The following KCNIP3 variants were observed in gnomAD, a reference collection of about 807,000 sequenced individuals.
KCNIP3 encodes the protein calsenilin.
KCNIP3 carries 28 observed loss-of-function variants against 35.0 expected under a neutral mutation model. That is an observed-to-expected ratio of 0.80 (90% CI 0.59 to 1.10). The LOEUF is 1.10. Among genes scored for constraint, KCNIP3 ranks in the 50% least tolerant of loss-of-function variants. KCNIP3 has a pLI of 0.00. For synonymous variants in KCNIP3, 134 were observed against 133.8 expected (o/e 1.00, Z -0.01); for missense variants, 295 against 338.4 (o/e 0.87, Z 1.01).
chr2:95,362,290 G>C (rs1679817387), intron 2 of KCNIP3, among the ~76,000 whole-genome samples: 1 of 152,082 alleles, frequency 6.6e-6, no homozygotes, highest in African/African-American at 2.4e-5. Context: ...ATTTTTAGTA[G>C]AGACAGGGTT....
chr2:95,363,950 A>G (rs1679859374), intron 2 of KCNIP3, among the ~76,000 whole-genome samples: 1 of 152,014 alleles, frequency 6.6e-6, no homozygotes, highest in Admixed American at 6.6e-5. Flanking sequence ...CCCTCTGGGG[A>G]CCCTATCATC....
intron 2 of KCNIP3, among the ~76,000 whole-genome samples, chr2:95,329,642 T>A (rs969691782): frequency 7.3e-4 from 111 of 152,216 alleles, no homozygotes; most frequent in Non-Finnish European, 3.8e-4. Flanking sequence ...CTGCCGGGAG[T>A]GGGGGGACCC....
chr2:95,348,454 G>T (rs2104268984), intron 2 of KCNIP3, among the ~76,000 whole-genome samples: 1 of 152,314 alleles, frequency 6.6e-6, no homozygotes, highest in South Asian at 2.1e-4. Flanking sequence ...AGCCTGGGGT[G>T]GGCGTGGGGG....
In KCNIP3 at chr2:95,362,232, G is replaced by A. The variant is rs375040049; in HGVS notation, c.182-12064G>A. 2.2e-4 allele frequency among the ~76,000 whole-genome samples: 33 copies of A among 151,718 alleles called. No individual in the cohort carries two copies. In the East Asian group the frequency reaches 5.1e-3, roughly 23 times the overall value. On this transcript the variant is annotated intron_variant, in intron 2 of 8. Transcript: ENST00000295225. ...AGCGATTCTCCTGCCTCAGCCTCCCGAGTAGCTGGGATTACAGGCATGCAC... is the reference window on the plus strand; with the variant it reads ...AGCGATTCTCCTGCCTCAGCCTCCCAAGTAGCTGGGATTACAGGCATGCAC...
chr2:95,366,007 A>T (rs901194695), intron 2 of KCNIP3, among the ~76,000 whole-genome samples: 6 of 151,840 alleles, frequency 4.0e-5, no homozygotes, highest in Middle Eastern at 3.2e-3. Flanking sequence ...GTTTTTGGAG[A>T]TGGGGTCTCT....
At position 95,377,957 on chromosome 2, in the gene KCNIP3, C is replaced by G. The variant is rs1680244950; in HGVS notation, c.447+2749C>G. ...GAGGACAGCGGTGCCTGCCCAGGGTCCCCAGGAGAACGGTGTGCTCCACGC... is the reference window on the plus strand; with the variant it reads ...GAGGACAGCGGTGCCTGCCCAGGGTGCCCAGGAGAACGGTGTGCTCCACGC... On this transcript the variant is annotated intron_variant, in intron 5 of 8. Coordinates refer to ENST00000295225, the MANE Select transcript of KCNIP3 (RefSeq NM_013434.5). This position sits in a 1 kb window ranked among gnomAD's most constrained non-coding sequence, Gnocchi z 4.7. Among the ~76,000 whole-genome samples the G allele has an allele frequency of 6.6e-6, 1 of 152,118 alleles. No individual in the cohort carries two copies. The highest frequency in any genetic ancestry group is 6.5e-5 in the Admixed American group (1 of 15,278).
chr2:95,308,635 GC>G (rs1284516933), intron 1 of KCNIP3, among the ~76,000 whole-genome samples: 1 of 152,208 alleles, frequency 6.6e-6, no homozygotes. Flanking sequence ...CAGCAGCAGA[GC>G]CCTGTCGCTG....
rs1409210484 is a variant in KCNIP3, at chr2:95,375,019, T to G, written c.376+102T>G. Reference sequence around the variant, plus strand: ...GAGGCTTGGTGCTGCCCCTGTCCCGTGGGAAACAGGGACTCCAAGCCAGGA... The same window carrying G: ...GAGGCTTGGTGCTGCCCCTGTCCCGGGGGAAACAGGGACTCCAAGCCAGGA... On this transcript the variant is annotated intron_variant, in intron 4 of 8. Coordinates refer to ENST00000295225, the MANE Select transcript of KCNIP3 (RefSeq NM_013434.5). 8 of 1,512,738 alleles carry G rather than the reference T, an allele frequency of 5.3e-6. No individual in the cohort carries two copies. The African/African-American group carries it at 9.6e-5, about 18-fold the overall frequency. The allele number at this position is 1,512,738 out of a possible 1,614,324, so 93.7% of individuals were successfully genotyped here.
chr2:95,310,524 G>T lies in KCNIP3; in HGVS notation c.181+4G>T. The stretch of plus-strand genomic sequence containing the variant: ...AGCACAGCCCCACAGGGCTCAGGTA[G>T]GGGCCAGGGTGGGCTGTGGTCAAGG... On this transcript the variant is annotated splice_donor_region_variant and intron_variant, in intron 2 of 8. Coordinates refer to ENST00000295225, the MANE Select transcript of KCNIP3 (RefSeq NM_013434.5). 1 of 1,613,564 alleles carries T rather than the reference G, an allele frequency of 6.2e-7. No homozygotes were observed. Among genetic ancestry groups the T allele is most frequent in the Non-Finnish European group, 8.5e-7 (1 of 1,179,756 alleles).
At chr2:95,365,690 T>C (rs1042416189) in intron 2 of KCNIP3, among the ~76,000 whole-genome samples, 1 of 152,166 alleles carries the variant, frequency 6.6e-6, no homozygotes, top group African/African-American at 2.4e-5. Flanking sequence ...AGTTTCTGTC[T>C]TATTTTGTTT....
intron 2 of KCNIP3, among the ~76,000 whole-genome samples, chr2:95,344,264 G>A (rs1169511614): frequency 6.8e-6 from 1 of 146,482 alleles, no homozygotes; most frequent in African/African-American, 2.6e-5. Flanking sequence ...GCACTTCATG[G>A]GTGGCGGGGT....
chr2:95,338,848 T>A (rs935471639), intron 2 of KCNIP3, among the ~76,000 whole-genome samples: 1 of 152,184 alleles, frequency 6.6e-6, no homozygotes, highest in African/African-American at 2.4e-5. Context: ...ACCTAACAGG[T>A]ACTCGTTCAG....
At chr2:95,305,953 T>C (rs1678156439) in intron 1 of KCNIP3, among the ~76,000 whole-genome samples, 1 of 152,240 alleles carries the variant, frequency 6.6e-6, no homozygotes, top group South Asian at 2.1e-4. Flanking sequence ...GCCATGAACA[T>C]TTGTGTACAT....
intron 6 of KCNIP3, 27 bp downstream of exon 6, chr2:95,381,730 G>T: frequency 6.7e-7 from 1 of 1,485,702 alleles, no homozygotes; most frequent in Non-Finnish European, 9.4e-7. Context: ...GGCAGGGATT[G>T]TCCCCTCCTC....
chr2:95,383,520 A>G (rs1321991723), intron 8 of KCNIP3, among the ~76,000 whole-genome samples: 1 of 46,698 alleles, frequency 2.1e-5, no homozygotes, highest in Non-Finnish European at 4.9e-5. Flanking sequence ...GCATCCCCCC[A>G]CTACCCCCAC....
At chr2:95,383,336 C>G in intron 8 of KCNIP3, 42 bp downstream of exon 8, 1 of 1,597,024 alleles carries the variant, frequency 6.3e-7, no homozygotes, top group Non-Finnish European at 8.6e-7. Flanking sequence ...TCTGCAGGCT[C>G]TACACGGAGG....
chr2:95,361,254 ACCCTGTTT>A (rs1161723554), intron 2 of KCNIP3, among the ~76,000 whole-genome samples: 1 of 152,038 alleles, frequency 6.6e-6, no homozygotes, highest in Non-Finnish European at 1.5e-5. Flanking sequence ...ACCAGCAGTC[ACCCTGTTT>A]CCCAGGTCAG....
intron 5 of KCNIP3, among the ~76,000 whole-genome samples, chr2:95,379,126 A>C (rs1293002808): frequency 6.6e-6 from 1 of 151,452 alleles, no homozygotes; most frequent in Non-Finnish European, 1.5e-5. Context: ...CCGTCCCCCC[A>C]GCCCCCCACC....
chr2:95,317,138 C>G (rs1194096967), intron 2 of KCNIP3, among the ~76,000 whole-genome samples: 2 of 152,176 alleles, frequency 1.3e-5, no homozygotes, highest in Non-Finnish European at 2.9e-5. Flanking sequence ...TACCTATGCC[C>G]CCGTCCTACT....
Sources: gnomAD v4.1 joint callset for allele counts (sites outside exome capture counted in the v4.1 genomes callset) on GRCh38, gnomAD v4.1.1 for gene constraint, Gnocchi (gnomAD v3.1) non-coding constraint, MANE v1.5 for transcripts, NCBI Gene and HGNC (gene_info 2026-07-23, HGNC 2026-07-21) for gene names.